Variants in SKAP2 observed in about 807,000 individuals in gnomAD.
The protein encoded by SKAP2 is src kinase associated phosphoprotein 2, also known as src kinase-associated phosphoprotein 2.
In SKAP2, 28 loss-of-function variants were observed where a neutral mutation model predicts 54.9. The ratio of observed to expected loss-of-function variants is 0.51; its 90% CI spans 0.38 to 0.70. The LOEUF is 0.70. SKAP2 is among the 30% of genes least tolerant of loss of function. The probability of loss-of-function intolerance (pLI) is 0.00; values close to 1 mark genes in which losing one functional copy is unlikely to be tolerated. For synonymous variants in SKAP2, 137 were observed against 134.3 expected, an observed-to-expected ratio of 1.02 and a Z score of -0.14; for missense variants, 356 against 424.1, an observed-to-expected ratio of 0.84 and a Z score of 1.41.
intron 9 of SKAP2, among the ~76,000 whole-genome samples, chr7:26,715,475 C>G (rs1787409569): frequency 6.6e-6 from 1 of 151,916 alleles, no homozygotes; most frequent in South Asian, 2.1e-4. Context: ...GATTAATTCT[C>G]CCCAAAGAAT....
chr7:26,714,689 T>C (rs1212322973), intron 9 of SKAP2, among the ~76,000 whole-genome samples: 3 of 152,202 alleles, frequency 2.0e-5, no homozygotes, highest in East Asian at 3.8e-4. Flanking sequence ...GCAAAAATAG[T>C]GAAGCTTGAT....
rs199928534 is a variant in SKAP2, at chr7:26,745,844, AC to A, written c.308-5881del. Among the ~76,000 whole-genome samples the A allele has an allele frequency of 7.8e-3, 1,187 of 152,188 alleles. 19 individuals are homozygous for A. Among genetic ancestry groups the A allele is most frequent in the African/African-American group, 0.027 (1,109 of 41,536 alleles). Reference sequence around the variant, plus strand: ...GACCCATTTTTTAAAAAAAGTATTTACCCACTTAATGATTGCTTTATATTTG... The same window carrying A: ...GACCCATTTTTTAAAAAAAGTATTTACCACTTAATGATTGCTTTATATTTG... On this transcript the variant is annotated intron_variant, in intron 4 of 12. Coordinates refer to ENST00000345317, the MANE Select transcript of SKAP2 (RefSeq NM_003930.5).
chr7:26,743,130 A>T (rs1300297761), intron 4 of SKAP2, among the ~76,000 whole-genome samples: 2 of 152,222 alleles, frequency 1.3e-5, no homozygotes, highest in African/African-American at 2.4e-5. Flanking sequence ...ACTATGGAAC[A>T]GTCAATTATA....
intron 6 of SKAP2, among the ~76,000 whole-genome samples, chr7:26,734,062 T>C (rs1787874211): frequency 1.3e-5 from 2 of 152,200 alleles, no homozygotes; most frequent in African/African-American, 2.4e-5. Context: ...CCACCACTTA[T>C]GGGCACCTTG....
intron 4 of SKAP2, among the ~76,000 whole-genome samples, chr7:26,812,570 C>A (rs185206874): frequency 5.3e-4 from 80 of 152,156 alleles, no homozygotes; most frequent in Non-Finnish European, 8.8e-4. Context: ...CTTACAGATG[C>A]CATTTCATTT....
Position 26,668,233 on chromosome 7 carries a change from A to G in SKAP2, c.*1433T>C, listed in dbSNP as rs1786149442. On this transcript the variant is annotated 3_prime_UTR_variant, in exon 13 of 13. Coordinates refer to ENST00000345317, the MANE Select transcript of SKAP2 (RefSeq NM_003930.5). ...AGCAAAGATATTGAAAAGTTCCATA[A>G]AGATAATACCTGATAGGTAATGATT... is the stretch of plus-strand genomic sequence containing the variant. The G allele has an allele frequency of 6.6e-6, 1 of 152,216 alleles. No individual in the cohort carries two copies. Among genetic ancestry groups the G allele is most frequent in the Non-Finnish European group, 1.5e-5 (1 of 68,040 alleles). 9.4% of individuals were successfully genotyped at this position (152,216 alleles called of 1,614,324 possible).
chr7:26,830,565 G>A (rs958989154), intron 4 of SKAP2, among the ~76,000 whole-genome samples: 2 of 152,056 alleles, frequency 1.3e-5, no homozygotes, highest in African/African-American at 4.8e-5. Context: ...TTTTAAAATT[G>A]CTTAAGTCTT....
At chr7:26,750,593 G>A (rs1194120366) in intron 4 of SKAP2, among the ~76,000 whole-genome samples, 1 of 152,124 alleles carries the variant, frequency 6.6e-6, no homozygotes, top group Non-Finnish European at 1.5e-5. Context: ...TTATAGGTGT[G>A]AGCCACTGCA....
At chr7:26,858,602 T>C (rs1785221817) in intron 1 of SKAP2, among the ~76,000 whole-genome samples, 1 of 151,958 alleles carries the variant, frequency 6.6e-6, no homozygotes, top group African/African-American at 2.4e-5. Flanking sequence ...CCAATCTTCC[T>C]TTTTCCCCCC....
intron 4 of SKAP2, among the ~76,000 whole-genome samples, chr7:26,802,079 A>G (rs1181190112): frequency 1.3e-5 from 2 of 152,136 alleles, no homozygotes; most frequent in African/African-American, 4.8e-5. Context: ...AAGCTGGAGG[A>G]ATCGCATATC....
At chr7:26,856,184 G>A (rs962911561) in intron 1 of SKAP2, among the ~76,000 whole-genome samples, 40 of 144,954 alleles carry the variant, frequency 2.8e-4, no homozygotes, top group African/African-American at 9.8e-4. Context: ...TAAGAATACT[G>A]TAATAATTTA....
chr7:26,682,007 T>TAA (rs112513923), intron 11 of SKAP2, among the ~76,000 whole-genome samples: 2 of 150,906 alleles, frequency 1.3e-5, no homozygotes, highest in African/African-American at 4.9e-5. Flanking sequence ...CTAGATGGCG[T>TAA]AAAAAAAAAC....
intron 4 of SKAP2, among the ~76,000 whole-genome samples, chr7:26,802,733 T>G (rs1183348333): frequency 6.6e-6 from 1 of 151,920 alleles, no homozygotes; most frequent in Non-Finnish European, 1.5e-5. Context: ...ATACAAAAAT[T>G]AGCCAGACAT....
chr7:26,696,603 A>C (rs1786900516), intron 9 of SKAP2, among the ~76,000 whole-genome samples: 1 of 152,222 alleles, frequency 6.6e-6, no homozygotes, highest in African/African-American at 2.4e-5. Flanking sequence ...GCAACCAGAA[A>C]GGTTAATGTG....
intron 9 of SKAP2, 70 bp from the exon 10 acceptor site, chr7:26,690,432 T>C (rs956358776): frequency 3.1e-6 from 3 of 959,500 alleles, no homozygotes; most frequent in Non-Finnish European, 5.0e-6. Flanking sequence ...ACTCACTCAA[T>C]TTTAAAAGCA....
At chr7:26,807,138 C>T (rs1784044948) in intron 4 of SKAP2, among the ~76,000 whole-genome samples, 1 of 152,292 alleles carries the variant, frequency 6.6e-6, no homozygotes, top group East Asian at 1.9e-4. Flanking sequence ...ATGGAATCTA[C>T]TACCAGTAAA....
intron 4 of SKAP2, among the ~76,000 whole-genome samples, chr7:26,841,608 T>G (rs1240044309): frequency 1.3e-5 from 2 of 151,916 alleles, no homozygotes; most frequent in Non-Finnish European, 2.9e-5. Context: ...CACATATGGC[T>G]TGGGGGAATA....
Position 26,857,546 on chromosome 7 carries a change from C to G in SKAP2, c.68-2656G>C, listed in dbSNP as rs980720820. 4.1e-6 allele frequency: 4 copies of G among 985,364 alleles called. No homozygotes were observed. In the South Asian group the frequency reaches 1.4e-4, roughly 35 times the overall value. 61.0% of individuals were successfully genotyped at this position (985,364 alleles called of 1,614,324 possible). A position where few individuals can be genotyped will look rare whatever the true frequency, so the allele number is the denominator to read the frequency against. On this transcript the variant is annotated intron_variant, in intron 1 of 12. Coordinates refer to ENST00000345317, the MANE Select transcript of SKAP2 (RefSeq NM_003930.5). ...TTCGGCCGGTGTCTGAGCAACACAC[C>G]GATCCTGATCTCGCAACGCAAAGAC... is the stretch of plus-strand genomic sequence containing the variant.
chr7:26,792,521 GA>G (rs1783691752), intron 4 of SKAP2, among the ~76,000 whole-genome samples: 1 of 152,076 alleles, frequency 6.6e-6, no homozygotes, highest in South Asian at 2.1e-4. Flanking sequence ...ACTTTTATTT[GA>G]AAAATAAGAT....
Sources: gnomAD v4.1 joint callset for allele counts (sites outside exome capture counted in the v4.1 genomes callset) on GRCh38, gnomAD v4.1.1 for gene constraint, MANE v1.5 for transcripts, NCBI Gene and HGNC (gene_info 2026-07-23, HGNC 2026-07-21) for gene names.